Variants in ACCS observed in about 807,000 individuals in gnomAD.
ACCS encodes the protein 1-aminocyclopropane-1-carboxylate synthase-like protein 1.
Under a neutral mutation model 59.8 loss-of-function variants are expected in ACCS, and 42 were observed. The observed-to-expected ratio is 0.70, with a 90% CI of 0.55 to 0.91. The LOEUF is 0.91. Ranked by LOEUF, ACCS falls within the 40% of genes least tolerant of loss-of-function variation. The pLI is 0.00. For missense variants in ACCS, 602 were observed against 630.4 expected, an observed-to-expected ratio of 0.95 and a Z score of 0.48; for synonymous variants, 230 against 240.3, an observed-to-expected ratio of 0.96 and a Z score of 0.40.
rs1590477772 is a variant in ACCS, at chr11:44,074,661, G to A, written c.469G>A (p.Val157Ile). ...KFLSFYCKSPVPLRPENVVVL... is the reference protein window; with the variant it reads ...KFLSFYCKSPIPLRPENVVVL... ...CCTGTCTTTCTACTGCAAGAGCCCA[G>A]TACCCCTCAGACCAGAGAATGTGAG... The change falls in exon 5 of 15, where the codon GTA (valine) becomes ATA (isoleucine). Residue 157 changes from valine to isoleucine, a missense_variant. Physicochemically the swap from Val to Ile is conservative, Grantham distance 29. Transcript: ENST00000263776. 1 of 1,613,164 alleles carries A rather than the reference G, an allele frequency of 6.2e-7. No homozygotes were observed. The highest frequency in any genetic ancestry group is 1.7e-4 in the Middle Eastern group (1 of 6,060).
intron 2 of ACCS, among the ~76,000 whole-genome samples, chr11:44,068,480 T>C (rs1952894786): frequency 6.6e-6 from 1 of 151,832 alleles, no homozygotes; most frequent in African/African-American, 2.4e-5. Flanking sequence ...TGGCGTGCAC[T>C]TGTGGTCCCA....
chr11:44,067,970 C>T (rs1244943195), intron 2 of ACCS, 55 bp downstream of exon 2: 4 of 1,524,276 alleles, frequency 2.6e-6, no homozygotes, highest in Admixed American at 2.1e-5. Context: ...GGGTGGGGTA[C>T]CCTACCTTGA....
intron 4 of ACCS, among the ~76,000 whole-genome samples, chr11:44,073,939 G>T (rs113826363): frequency 4.6e-5 from 7 of 152,336 alleles, no homozygotes; most frequent in South Asian, 2.1e-4. Context: ...TAAGAGGGGA[G>T]GTGGTAAATA....
chr11:44,073,366 C>A, intron 3 of ACCS, 81 bp from the exon 4 acceptor site: 1 of 1,126,298 alleles, frequency 8.9e-7, no homozygotes, highest in Non-Finnish European at 1.3e-6. Context: ...GCAGAACAAG[C>A]GTTCAGCTTT....
intron 7 of ACCS, 112 bp from the exon 8 acceptor site, chr11:44,077,733 T>C: frequency 1.4e-6 from 2 of 1,479,976 alleles, no homozygotes; most frequent in South Asian, 2.8e-5. Flanking sequence ...TTCCAGAGAC[T>C]CTTCTGAGGA....
intron 6 of ACCS, among the ~76,000 whole-genome samples, chr11:44,076,143 G>C (rs1158931848): frequency 1.3e-5 from 2 of 152,226 alleles, no homozygotes; most frequent in Non-Finnish European, 2.9e-5. Context: ...TGCTCTCTTA[G>C]CATGGAAGGA....
chr11:44,079,095 C>T (rs1297322611), intron 9 of ACCS: 1 of 408,290 alleles, frequency 2.4e-6, no homozygotes, highest in Non-Finnish European at 4.5e-6. Context: ...CTTTATGTGC[C>T]TCATACAATC....
intron 7 of ACCS, 77 bp from the exon 8 acceptor site, chr11:44,077,768 G>A (rs1281882842): frequency 7.7e-6 from 12 of 1,555,080 alleles, no homozygotes; most frequent in African/African-American, 1.4e-5. Flanking sequence ...GGGGAGGAGA[G>A]GCCTGAGAGT....
At chr11:44,074,967 G>A (rs1216694790) in intron 5 of ACCS, among the ~76,000 whole-genome samples, 3 of 151,646 alleles carry the variant, frequency 2.0e-5, no homozygotes, top group Non-Finnish European at 4.4e-5. Context: ...TGGGATTACA[G>A]GCATGCACCA....
At chr11:44,077,256 C>T (rs1397932552) in intron 6 of ACCS, 23 bp from the exon 7 acceptor site, 2 of 1,608,622 alleles carry the variant, frequency 1.2e-6, no homozygotes, top group Non-Finnish European at 1.7e-6. Flanking sequence ...AAGTGACAGG[C>T]CCTCGCCCAC....
At chr11:44,071,503 T>C in intron 3 of ACCS, 188 bp downstream of exon 3, 1 of 592,930 alleles carries the variant, frequency 1.7e-6, no homozygotes, top group South Asian at 2.2e-5. Flanking sequence ...CCCACTGTAG[T>C]CCTATTTCTT....
intron 6 of ACCS, among the ~76,000 whole-genome samples, chr11:44,076,494 T>A (rs1273165499): frequency 6.6e-6 from 1 of 152,204 alleles, no homozygotes; most frequent in Non-Finnish European, 1.5e-5. Context: ...ATTTGAACCA[T>A]GAAAGAGAGA....
In ACCS at chr11:44,079,554, A is replaced by T. The variant is rs377521728; in HGVS notation, c.857A>T (p.Asp286Val). The change falls in exon 10 of 15, where the codon GAT becomes GTT. Residue 286 changes from aspartate (D) to valine (V), a missense_variant. Physicochemically the swap from Asp to Val is radical, Grantham distance 152. Coordinates refer to ENST00000263776, the MANE Select transcript of ACCS (RefSeq NM_032592.4). ...AGGCACAGGCTGCATGTGATTGTGG[A>T]TGAGGTCTACATGCTGTCCGTGTTT... The part of the protein sequence containing the change: ...AKRHRLHVIV[D>V]EVYMLSVFEK... 11 of 1,611,824 alleles carry T rather than the reference A, an allele frequency of 6.8e-6. No homozygotes were observed. Among genetic ancestry groups the T allele is most frequent in the Non-Finnish European group, 9.3e-6 (11 of 1,179,422 alleles).
At chr11:44,080,651 A>G (rs1031723664) in intron 10 of ACCS, 8 of 257,106 alleles carry the variant, frequency 3.1e-5, no homozygotes, top group Non-Finnish European at 5.3e-5. Context: ...CATGAATGCT[A>G]AAAGGGAGAG....
At position 44,067,672 on chromosome 11, in the gene ACCS, T is replaced by C; in HGVS notation, c.45T>C (p.Cys15=). The change falls in exon 2 of 15, where the codon TGT becomes TGC. Residue 15 remains cysteine, a synonymous_variant. Coordinates refer to ENST00000263776, the MANE Select transcript of ACCS (RefSeq NM_032592.4). ...AGGACTTCAGGGCTCCCACCACCTG[T>C]CTGGGCCCCACCTGCATGCAGGACC... The part of the protein sequence containing the change: ...PQKDFRAPTT[C]LGPTCMQDLG... 1 of 1,614,042 alleles carries C rather than the reference T, an allele frequency of 6.2e-7. No individual in the cohort carries two copies. The highest frequency in any genetic ancestry group is 8.5e-7 in the Non-Finnish European group (1 of 1,179,940).
chr11:44,074,740 CTTTCT>C (rs1953237851), intron 5 of ACCS, 59 bp downstream of exon 5: 2 of 127,188 alleles, frequency 1.6e-5, no homozygotes, highest in African/African-American at 1.3e-4. Flanking sequence ...CCATCTCTTT[CTTTCT>C]TTCTTTCTTT....
chr11:44,078,579 C>G (rs1953486442), intron 8 of ACCS, 105 bp from the exon 9 acceptor site: 1 of 820,852 alleles, frequency 1.2e-6, no homozygotes, highest in African/African-American at 1.7e-5. Flanking sequence ...GAACATGTCC[C>G]CCTCAAATCT....
intron 12 of ACCS, chr11:44,082,176 A>G (rs1175618630): frequency 6.9e-6 from 1 of 144,052 alleles, no homozygotes; most frequent in Non-Finnish European, 1.6e-5. Context: ...GAAGTCTCAT[A>G]CACTGCTGGT....
At chr11:44,067,495 G>A in intron 1 of ACCS, 133 bp from the exon 2 acceptor site, 1 of 921,932 alleles carries the variant, frequency 1.1e-6, no homozygotes, top group Non-Finnish European at 1.6e-6. Flanking sequence ...AAGGGACACA[G>A]GAAGTGATGA....
Sources: gnomAD v4.1 joint callset for allele counts (sites outside exome capture counted in the v4.1 genomes callset) on GRCh38, gnomAD v4.1.1 for gene constraint, MANE v1.5 for transcripts, NCBI Gene and HGNC (gene_info 2026-07-23, HGNC 2026-07-21) for gene names.